Variants in CENPI observed in about 807,000 individuals in gnomAD.
The protein encoded by CENPI is centromere protein I.
A neutral mutation model predicts 60.4 loss-of-function variants in CENPI; 4 were observed. The ratio of observed to expected loss-of-function variants is 0.07; its 90% CI spans 0.03 to 0.15. The LOEUF (loss-of-function observed/expected upper bound fraction) is 0.15. CENPI is among the 10% of genes least tolerant of loss of function. The pLI is 1.00. For synonymous variants in CENPI, 157 were observed against 189.4 expected, an observed-to-expected ratio of 0.83 and a Z score of 1.40; for missense variants, 444 against 534.5, an observed-to-expected ratio of 0.83 and a Z score of 1.67.
intron 4 of CENPI, among the ~76,000 whole-genome samples, chrX:101,108,162 C>T (rs780379782): frequency 2.7e-5 from 3 of 111,426 alleles, no homozygotes; most frequent in Non-Finnish European, 3.8e-5. Flanking sequence ...GCAACCTCCA[C>T]CTTCCAGGCT....
At chrX:101,169,667 G>A (rs1405414491), downstream of CENPI, among the ~76,000 whole-genome samples, 1 of 111,686 alleles carries the variant, frequency 9.0e-6, no homozygotes, top group Non-Finnish European at 1.9e-5. Context: ...ACCTCAGGCA[G>A]GTCCTTCAGG....
intron 4 of CENPI, among the ~76,000 whole-genome samples, chrX:101,103,841 T>C (rs2089451731): frequency 1.8e-5 from 2 of 112,458 alleles, no homozygotes; most frequent in African/African-American, 3.2e-5. Flanking sequence ...AAATACATAC[T>C]TTTGTCACCA....
chrX:101,107,349 A>T (rs2089494973), intron 4 of CENPI, among the ~76,000 whole-genome samples: 1 of 107,863 alleles, frequency 9.3e-6, no homozygotes, highest in African/African-American at 3.4e-5. Context: ...CATAAAATTC[A>T]TTTTTTTTCT....
rs767464936 is a variant in CENPI, at chrX:101,147,792, A to G, written c.1856A>G (p.Lys619Arg). 8.3e-7 allele frequency: 1 copy of G among 1,207,336 alleles called. No individual in the cohort carries two copies. The highest frequency in any genetic ancestry group is 1.8e-5 in the South Asian group (1 of 55,876). ...CGTAAAAATTTGACTGCCGCAAAGAAAAATGAGTTGGTACAAAAGGTATGA... is the reference window on the plus strand; with the variant it reads ...CGTAAAAATTTGACTGCCGCAAAGAGAAATGAGTTGGTACAAAAGGTATGA... ...RYRKNLTAAK[K>R]NELVQKTKSE... The change falls in exon 19 of 22, where the codon AAA becomes AGA. Residue 619 changes from lysine (K) to arginine (R), a missense_variant. Transcript: ENST00000682095.
intron 20 of CENPI, 117 bp downstream of exon 20, chrX:101,148,278 T>A (rs768504760): frequency 3.1e-5 from 19 of 616,240 alleles, no homozygotes; most frequent in African/African-American, 1.1e-4. Context: ...TAATTTTTTT[T>A]AAGTAACAAC....
At chrX:101,170,058 T>G (rs1419720570), downstream of CENPI, among the ~76,000 whole-genome samples, 12 of 111,872 alleles carry the variant, frequency 1.1e-4, no homozygotes, top group African/African-American at 3.9e-4. Context: ...GTACAGTGTT[T>G]ATAAGGTCTA....
chrX:101,168,427 A>G (rs2090149324), downstream of CENPI, among the ~76,000 whole-genome samples: 1 of 111,877 alleles, frequency 8.9e-6, no homozygotes, highest in Non-Finnish European at 1.9e-5. Flanking sequence ...TTAGCTGAGC[A>G]TGGTGGCGTG....
At chrX:101,167,843 T>TA (rs1405362737), downstream of CENPI, among the ~76,000 whole-genome samples, 5 of 112,220 alleles carry the variant, frequency 4.5e-5, no homozygotes, top group Non-Finnish European at 9.4e-5. Flanking sequence ...GAGCTATTGT[T>TA]ATGGAAGAAG....
chrX:101,127,644 A>G lies in CENPI; in HGVS notation c.1053A>G (p.Leu351=), dbSNP rs56354319. The stretch of plus-strand genomic sequence containing the variant: ...AACTTCAAAGCTTCCCCCAACTTTT[A>G]CAGAACATCCATTGCTTAGAGGTAT... ...LEQLQSFPQL[L]QNIHCLELPS... is the part of the protein sequence containing the mutation. Residue 351 remains leucine (L), a synonymous_variant, in exon 11 of 22, where the codon TTA becomes TTG. Transcript: ENST00000682095. 1 of 1,186,682 alleles carries G rather than the reference A, an allele frequency of 8.4e-7. No homozygotes were observed. The highest frequency in any genetic ancestry group is 1.1e-6 in the Non-Finnish European group (1 of 882,869).
chrX:101,102,736 G>A (rs2089435796), intron 4 of CENPI, among the ~76,000 whole-genome samples: 1 of 109,019 alleles, frequency 9.2e-6, no homozygotes, highest in Non-Finnish European at 1.9e-5. Flanking sequence ...CTGTAGTGCA[G>A]TGGCACCATC....
Position 101,127,536 on chromosome X carries a change from C to T in CENPI, c.945C>T (p.Ser315=). ...TCTCAGTTATACCAGTGCTCAATTC[C>T]AGTAGCTACACTAAAGAATGTGGAA... is the stretch of plus-strand genomic sequence containing the variant. ...NSLSVIPVLN[S]SSYTKECGKK... The change falls in exon 11 of 22, where the codon TCC becomes TCT. Residue 315 remains serine, a synonymous_variant. Coordinates refer to ENST00000682095, the MANE Select transcript of CENPI (RefSeq NM_001386188.2). 1 of 1,194,933 alleles carries T rather than the reference C, an allele frequency of 8.4e-7. No individual in the cohort carries two copies. The highest frequency in any genetic ancestry group is 1.1e-6 in the Non-Finnish European group (1 of 884,310).
At position 101,126,816 on chromosome X, in the gene CENPI, G is replaced by A; in HGVS notation, c.777+18G>A. 1.8e-6 allele frequency: 2 copies of A among 1,099,490 alleles called. No homozygotes were observed. Among genetic ancestry groups the A allele is most frequent in the Non-Finnish European group, 1.3e-6 (1 of 799,250 alleles). 90.6% of individuals were successfully genotyped at this position (1,099,490 alleles called of 1,213,427 possible). On this transcript the variant is annotated intron_variant, in intron 9 of 21. Coordinates refer to ENST00000682095, the MANE Select transcript of CENPI (RefSeq NM_001386188.2). The stretch of plus-strand genomic sequence containing the variant: ...GGAAGAAGGTAAGGGATTAAGGAGA[G>A]AGAAATCATATTAAGATTGAAATAT...
At chrX:101,132,570 C>G in intron 15 of CENPI, 114 bp downstream of exon 15, 1 of 642,350 alleles carries the variant, frequency 1.6e-6, no homozygotes, top group South Asian at 2.9e-5. Flanking sequence ...TTTCTTGGAC[C>G]TGGGCTTTGA....
chrX:101,139,467 A>T (rs2089890740), intron 15 of CENPI, among the ~76,000 whole-genome samples: 1 of 112,300 alleles, frequency 8.9e-6, no homozygotes, highest in Non-Finnish European at 1.9e-5. Context: ...ATAAAATATT[A>T]AAAAAAGATA....
chrX:101,137,650 G>A (rs1452045536), intron 15 of CENPI, among the ~76,000 whole-genome samples: 1 of 111,081 alleles, frequency 9.0e-6, no homozygotes, highest in Admixed American at 9.6e-5. Context: ...AAGATGACTT[G>A]AAGCTTTCCA....
intron 20 of CENPI, among the ~76,000 whole-genome samples, chrX:101,155,663 A>T (rs2090046096): frequency 8.9e-6 from 1 of 112,269 alleles, no homozygotes; most frequent in Admixed American, 9.5e-5. Flanking sequence ...TTGGTGATGG[A>T]TAAAAATTCC....
downstream of CENPI, among the ~76,000 whole-genome samples, chrX:101,170,535 A>G (rs753109537): frequency 8.9e-6 from 1 of 112,506 alleles, no homozygotes; most frequent in Non-Finnish European, 1.9e-5. Flanking sequence ...AAAAAAGTAG[A>G]CAATCTAATA....
the CENPI span, among the ~76,000 whole-genome samples, chrX:101,173,239 C>A: frequency 9.3e-6 from 1 of 107,548 alleles, no homozygotes; most frequent in Non-Finnish European, 1.9e-5. Context: ...TGGTCTTGAT[C>A]CCCTGACCTT....
chrX:101,129,409 G>A (rs1380498674), intron 12 of CENPI, among the ~76,000 whole-genome samples: 1 of 110,231 alleles, frequency 9.1e-6, no homozygotes, highest in African/African-American at 3.3e-5. Context: ...GGGGAGGGGC[G>A]GGTATATTTC....
Sources: allele counts gnomAD v4.1 joint callset (sites outside exome capture counted in the v4.1 genomes callset), GRCh38; gene constraint gnomAD v4.1.1; transcripts MANE v1.5; gene names NCBI Gene and HGNC (gene_info 2026-07-23, HGNC 2026-07-21).